TRIP12: variants seen among roughly 807,000 people sequenced by gnomAD.
The protein encoded by TRIP12 is E3 ubiquitin-protein ligase TRIP12.
Under a neutral mutation model 244.2 loss-of-function variants are expected in TRIP12, and 25 were observed. The observed-to-expected ratio is 0.10, with a 90% confidence interval of 0.07 to 0.14. TRIP12 has a LOEUF of 0.14. Ranked by LOEUF, TRIP12 falls within the 10% of genes least tolerant of loss-of-function variation. The pLI, the probability that TRIP12 is intolerant of heterozygous loss-of-function variation, is 1.00. For synonymous variants in TRIP12, 905 were observed against 873.1 expected (o/e 1.04, Z -0.64); for missense variants, 1,677 against 2,486.4 (o/e 0.67, Z 6.92).
intron 2 of TRIP12, among the ~76,000 whole-genome samples, 172 bp downstream of exon 2, chr2:229,879,810 A>G (rs1243211338): frequency 6.6e-6 from 1 of 152,230 alleles, no homozygotes; most frequent in African/African-American, 2.4e-5. Context: ...ATATCTGGGG[A>G]AAAATTTAGG....
chr2:229,881,137 C>G (rs888730185), intron 1 of TRIP12, among the ~76,000 whole-genome samples: 1 of 152,198 alleles, frequency 6.6e-6, no homozygotes, highest in Non-Finnish European at 1.5e-5. Context: ...CAGTACGTTA[C>G]CTACCTCAAC....
At chr2:229,803,759 T>A in intron 19 of TRIP12, 70 bp from the exon 20 acceptor site, 1 of 1,155,228 alleles carries the variant, frequency 8.7e-7, no homozygotes, top group African/African-American at 1.6e-5. Context: ...CATACTACTT[T>A]AAATTGAGAG....
At chr2:229,797,647 G>A (rs748263756) in intron 24 of TRIP12, 43 bp downstream of exon 24, 15 of 1,602,930 alleles carry the variant, frequency 9.4e-6, no homozygotes, top group Non-Finnish European at 1.2e-5. Context: ...GAGATGCTGG[G>A]AAGAGACTGA....
chr2:229,832,021 T>G (rs969733725), intron 6 of TRIP12, among the ~76,000 whole-genome samples: 2 of 152,068 alleles, frequency 1.3e-5, no homozygotes, highest in African/African-American at 4.8e-5. Flanking sequence ...TAAAGAGGCA[T>G]GTGTGAATAA....
intron 5 of TRIP12, among the ~76,000 whole-genome samples, 188 bp downstream of exon 5, chr2:229,840,634 G>A (rs527770798): frequency 6.6e-5 from 10 of 151,986 alleles, no homozygotes; most frequent in East Asian, 3.9e-4. Context: ...CCCGGGAGGC[G>A]CAGGTTGCAG....
At chr2:229,921,013 T>C (rs915967246) in intron 1 of TRIP12, among the ~76,000 whole-genome samples, 6 of 151,970 alleles carry the variant, frequency 3.9e-5, no homozygotes, top group Non-Finnish European at 8.8e-5. Flanking sequence ...GGGGTGACAA[T>C]TGGCCCACCT....
At chr2:229,866,921 A>G (rs1388185123) in intron 2 of TRIP12, among the ~76,000 whole-genome samples, 1 of 152,184 alleles carries the variant, frequency 6.6e-6, no homozygotes, top group Non-Finnish European at 1.5e-5. Context: ...GAAATTTTAA[A>G]GCCCATACAG....
At position 229,903,010 on chromosome 2, in the gene TRIP12, C is replaced by CTTTTTCTTT. The variant is rs1553767672; in HGVS notation, c.-50+18869_-50+18870insAAAGAAAAA. ...TGTGTGCGGGTTTTTTTTTCTTTTT[C>CTTTTTCTTT]TTTTTTTCTTTTTTTTTTTTTTTTT... On this transcript the variant is annotated intron_variant, in intron 1 of 41. Transcript: ENST00000675903. 3.5e-4 allele frequency among the ~76,000 whole-genome samples: 9 copies of CTTTTTCTTT among 25,676 alleles called. 1 individual carries two copies. Among genetic ancestry groups the CTTTTTCTTT allele is most frequent in the African/African-American group, 9.5e-4 (8 of 8,462 alleles). The allele number at this position is 25,676 out of a possible 152,430, so 16.8% of individuals were successfully genotyped here. A position where few individuals can be genotyped will look rare whatever the true frequency, so the allele number is the denominator to read the frequency against.
At chr2:229,906,724 C>CA (rs796721054) in intron 1 of TRIP12, among the ~76,000 whole-genome samples, 2,406 of 68,246 alleles carry the variant, frequency 0.035, 71 homozygotes, top group African/African-American at 0.11. Context: ...CACCTCAAAA[C>CA]AAAAAAAAAA....
At chr2:229,914,431 A>G (rs990665833) in intron 1 of TRIP12, among the ~76,000 whole-genome samples, 3 of 152,192 alleles carry the variant, frequency 2.0e-5, no homozygotes, top group African/African-American at 7.2e-5. Context: ...CAAGGCTACT[A>G]GAAGCACTTG....
Position 229,766,068 on chromosome 2 carries a change from C to T in TRIP12, c.*1486G>A, listed in dbSNP as rs2031618924. 2.0e-5 allele frequency: 3 copies of T among 151,906 alleles called. 1 individual carries two copies. The South Asian group carries it at 6.2e-4, about 32-fold the overall frequency. 9.4% of individuals were successfully genotyped at this position (151,906 alleles called of 1,614,324 possible). ...GGGCTTTTGTGTCAATTAATTAAAA[C>T]TTACAGAACAGTCAAAAAAATTGAT... On this transcript the variant is annotated 3_prime_UTR_variant, in exon 42 of 42. Transcript: ENST00000675903.
intron 24 of TRIP12, 100 bp from the exon 25 acceptor site, chr2:229,796,882 C>T: frequency 8.7e-7 from 1 of 1,154,268 alleles, no homozygotes; most frequent in South Asian, 1.8e-5. Flanking sequence ...ATTCTCAACG[C>T]CCTTAAAAAA....
chr2:229,878,475 GA>G (rs1359840632), intron 2 of TRIP12, among the ~76,000 whole-genome samples: 1 of 150,248 alleles, frequency 6.7e-6, no homozygotes. Context: ...AAAACAAAAA[GA>G]AATCACACGC....
chr2:229,827,474 T>C (rs1319546150), intron 8 of TRIP12, among the ~76,000 whole-genome samples: 1 of 152,128 alleles, frequency 6.6e-6, no homozygotes, highest in South Asian at 2.1e-4. Context: ...TTATTATTAT[T>C]ATTATTTTTT....
intron 13 of TRIP12, 86 bp from the exon 14 acceptor site, chr2:229,811,290 C>A: frequency 1.5e-6 from 2 of 1,360,672 alleles, no homozygotes; most frequent in East Asian, 5.0e-5. Context: ...CCTCCTAACC[C>A]CAGATTCTTC....
chr2:229,857,694 C>T (rs575179040), intron 4 of TRIP12, among the ~76,000 whole-genome samples: 1 of 151,914 alleles, frequency 6.6e-6, no homozygotes, highest in Non-Finnish European at 1.5e-5. Context: ...CCCAGATGAG[C>T]AGCTGGTTCC....
At chr2:229,820,289 A>G (rs1280664033) in intron 8 of TRIP12, among the ~76,000 whole-genome samples, 1 of 152,134 alleles carries the variant, frequency 6.6e-6, no homozygotes, top group Non-Finnish European at 1.5e-5. Context: ...TGGATCTTAT[A>G]CAGCATAATC....
intron 1 of TRIP12, among the ~76,000 whole-genome samples, chr2:229,896,568 C>T (rs902730675): frequency 3.3e-5 from 5 of 151,844 alleles, no homozygotes; most frequent in Admixed American, 6.6e-5. Flanking sequence ...GCTGAGATGG[C>T]GCCACTGCAC....
At chr2:229,902,065 G>C (rs774374491) in intron 1 of TRIP12, among the ~76,000 whole-genome samples, 1 of 152,118 alleles carries the variant, frequency 6.6e-6, no homozygotes, top group Non-Finnish European at 1.5e-5. Flanking sequence ...CTTATACTTG[G>C]AAGAAATAAT....
Sources: gnomAD v4.1 joint callset for allele counts (sites outside exome capture counted in the v4.1 genomes callset) on GRCh38, gnomAD v4.1.1 for gene constraint, MANE v1.5 for transcripts, NCBI Gene and HGNC (gene_info 2026-07-23, HGNC 2026-07-21) for gene names.